Variants in ZNF100 observed in about 807,000 individuals in gnomAD.
The protein encoded by ZNF100 is zinc finger protein 100 (Y1).
Under a neutral mutation model 15.8 loss-of-function variants are expected in ZNF100, and 12 were observed. That is an observed-to-expected ratio of 0.76 (90% CI 0.49 to 1.23). ZNF100 has a LOEUF of 1.23. Among genes scored for constraint, ZNF100 ranks in the 50% most tolerant of loss-of-function variants. ZNF100 has a pLI of 0.00. For missense variants in ZNF100, 670 were observed against 635.6 expected, an observed-to-expected ratio of 1.05 and a Z score of -0.58; for synonymous variants, 226 against 214.8, an observed-to-expected ratio of 1.05 and a Z score of -0.45.
intron 2 of ZNF100, among the ~76,000 whole-genome samples, chr19:21,761,588 C>T (rs991965629): frequency 6.6e-6 from 1 of 152,242 alleles, no homozygotes; most frequent in Middle Eastern, 3.4e-3. Context: ...TTCCATCAAA[C>T]CCAATTTAAA....
At position 21,745,038 on chromosome 19, in the gene ZNF100, T is replaced by C. The variant is rs2036187314; in HGVS notation, c.126A>G (p.Ile42Met). ...ATTGCCACTCCTCCAGAGAGAATTC[T>C]ATGGCCACATCCCTAAACGTCAATG... ...KGPLTFRDVA[I>M]EFSLEEWQCL... The change falls in exon 3 of 5, where the codon ATA (isoleucine) becomes ATG (methionine). Residue 42 changes from isoleucine (I) to methionine (M), a missense_variant. Ile to Met is a conservative substitution (Grantham distance 10, BLOSUM62 1). Transcript: ENST00000358296. 6.2e-7 allele frequency: 1 copy of C among 1,613,218 alleles called. No homozygotes were observed. The highest frequency in any genetic ancestry group is 8.5e-7 in the Non-Finnish European group (1 of 1,179,870).
At chr19:21,760,268 G>A (rs140605243) in intron 2 of ZNF100, among the ~76,000 whole-genome samples, 51 of 151,718 alleles carry the variant, frequency 3.4e-4, no homozygotes, top group African/African-American at 1.2e-3. Flanking sequence ...TGAGGCTAGC[G>A]AGTCACCTGA....
intron 2 of ZNF100, chr19:21,751,923 G>A (rs1031748295): frequency 1.1e-5 from 6 of 540,118 alleles, no homozygotes; most frequent in Non-Finnish European, 1.0e-5. Flanking sequence ...CTCTTAAAGG[G>A]AGAAATGAGG....
At chr19:21,751,346 T>C in intron 2 of ZNF100, 8 of 829,008 alleles carry the variant, frequency 9.7e-6, no homozygotes, top group Non-Finnish European at 1.3e-5. Context: ...TGATGAGAGA[T>C]CACATCCCCT....
chr19:21,738,709 A>G (rs2036054604), intron 4 of ZNF100, among the ~76,000 whole-genome samples: 1 of 152,154 alleles, frequency 6.6e-6, no homozygotes. Flanking sequence ...CTGTAATCCA[A>G]GCACTTTGGG....
intron 2 of ZNF100, chr19:21,753,591 A>G (rs1330155636): frequency 6.6e-6 from 1 of 152,154 alleles, no homozygotes; most frequent in Non-Finnish European, 1.5e-5. Context: ...AAAAGAAGGA[A>G]AAGAAAAACA....
intron 4 of ZNF100, among the ~76,000 whole-genome samples, chr19:21,728,804 G>C (rs1414184929): frequency 2.0e-5 from 3 of 151,650 alleles, no homozygotes; most frequent in Non-Finnish European, 4.4e-5. Context: ...CTATAAAAAA[G>C]ATGTATACAC....
At chr19:21,759,869 TC>T (rs1229581516) in intron 2 of ZNF100, among the ~76,000 whole-genome samples, 2 of 152,172 alleles carry the variant, frequency 1.3e-5, no homozygotes, top group African/African-American at 4.8e-5. Flanking sequence ...AAAGCCATTC[TC>T]TTATATCTCC....
chr19:21,750,016 C>T (rs984414633), intron 2 of ZNF100, among the ~76,000 whole-genome samples: 11 of 152,168 alleles, frequency 7.2e-5, no homozygotes, highest in African/African-American at 2.4e-4. Context: ...AGAGGCTGCT[C>T]TGGCACATTC....
At chr19:21,767,229 G>C (rs1599415114) in intron 1 of ZNF100, among the ~76,000 whole-genome samples, 198 bp downstream of exon 1, 1 of 152,178 alleles carries the variant, frequency 6.6e-6, no homozygotes, top group Admixed American at 6.5e-5. Flanking sequence ...TCACTACGCA[G>C]GGAAGAGAAA....
Position 21,726,617 on chromosome 19 carries a change from C to A in ZNF100, c.*66G>T. 7.2e-7 allele frequency: 1 copy of A among 1,384,320 alleles called. No homozygotes were observed. Among genetic ancestry groups the A allele is most frequent in the African/African-American group, 1.5e-5 (1 of 68,820 alleles). 85.8% of individuals were successfully genotyped at this position (1,384,320 alleles called of 1,614,324 possible). A position where few individuals can be genotyped will look rare whatever the true frequency, so the allele number is the denominator to read the frequency against. On this transcript the variant is annotated 3_prime_UTR_variant, in exon 5 of 5. Coordinates refer to ENST00000358296, the MANE Select transcript of ZNF100 (RefSeq NM_173531.4). ...ATATTCTTCACAGTCACAGGAGTTCCCTCCAGTATGAATTTTTTTATGTTT... is the reference window on the plus strand; with the variant it reads ...ATATTCTTCACAGTCACAGGAGTTCACTCCAGTATGAATTTTTTTATGTTT...
chr19:21,765,813 G>A (rs373709781), intron 1 of ZNF100, 27 bp from the exon 2 acceptor site: 15 of 1,603,488 alleles, frequency 9.4e-6, no homozygotes, highest in African/African-American at 1.3e-5. Flanking sequence ...ACCAGAAGCT[G>A]ACATTCACTA....
At position 21,735,417 on chromosome 19, in the gene ZNF100, C is replaced by T. The variant is rs566873001; in HGVS notation, c.323-7428G>A. On this transcript the variant is annotated intron_variant, in intron 4 of 4. Coordinates refer to ENST00000358296, the MANE Select transcript of ZNF100 (RefSeq NM_173531.4). Reference sequence around the variant, plus strand: ...GCTGAGGCAGGAGAATGGCATGAACCCCGGAGGCGGAGCTGGAAGTGAGCC... The same window carrying T: ...GCTGAGGCAGGAGAATGGCATGAACTCCGGAGGCGGAGCTGGAAGTGAGCC... Among the ~76,000 whole-genome samples the T allele has an allele frequency of 8.6e-5, 13 of 151,322 alleles. 1 individual carries two copies. The South Asian group carries it at 1.5e-3, about 17-fold the overall frequency.
chr19:21,725,976 T>C lies in ZNF100; in HGVS notation c.*707A>G, dbSNP rs553363621. 1 of 133,772 alleles carries C rather than the reference T, an allele frequency of 7.5e-6. No homozygotes were observed. Among genetic ancestry groups the C allele is most frequent in the East Asian group, 2.3e-4 (1 of 4,422 alleles). 8.3% of individuals were successfully genotyped at this position (133,772 alleles called of 1,614,324 possible). ...AAGCTGTAGTTTTTGAAAAAGTATT[T>C]TTCCAACTTTATTACATTCGCACAG... On this transcript the variant is annotated 3_prime_UTR_variant, in exon 5 of 5. Coordinates refer to ENST00000358296, the MANE Select transcript of ZNF100 (RefSeq NM_173531.4).
At position 21,725,497 on chromosome 19, in the gene ZNF100, A is replaced by T. The variant is rs1008009083; in HGVS notation, c.*1186T>A. Reference sequence around the variant, plus strand: ...CTCTTCACTTAGATTTTCATCATACATCTCATATTTTAATGTCTTTTTCAT... The same window carrying T: ...CTCTTCACTTAGATTTTCATCATACTTCTCATATTTTAATGTCTTTTTCAT... On this transcript the variant is annotated 3_prime_UTR_variant, in exon 5 of 5. Transcript: ENST00000358296. The T allele has an allele frequency of 6.6e-6, 1 of 152,132 alleles. No individual in the cohort carries two copies. The highest frequency in any genetic ancestry group is 2.4e-5 in the African/African-American group (1 of 41,440). 9.4% of individuals were successfully genotyped at this position (152,132 alleles called of 1,614,324 possible). A position where few individuals can be genotyped will look rare whatever the true frequency, so the allele number is the denominator to read the frequency against.
intron 2 of ZNF100, among the ~76,000 whole-genome samples, chr19:21,764,039 G>A (rs2036522537): frequency 6.6e-6 from 1 of 152,120 alleles, no homozygotes; most frequent in Admixed American, 6.5e-5. Flanking sequence ...GCATCTGCCT[G>A]TGAGCCCCCA....
chr19:21,728,086 T>C (rs544858775), intron 4 of ZNF100, 97 bp from the exon 5 acceptor site: 6 of 1,166,934 alleles, frequency 5.1e-6, no homozygotes, highest in Admixed American at 3.7e-5. Context: ...TAAGATGGCA[T>C]AGGAAAATAC....
chr19:21,726,672 T>A lies in ZNF100; in HGVS notation c.*11A>T. ...AGAGTTGAGGACTGGTAAAAGGCTT[T>A]GCCACATTTTTCACATTTGTAGGGT... On this transcript the variant is annotated 3_prime_UTR_variant, in exon 5 of 5. Transcript: ENST00000358296. The A allele has an allele frequency of 6.2e-7, 1 of 1,600,226 alleles. No individual in the cohort carries two copies. Among genetic ancestry groups the A allele is most frequent in the Non-Finnish European group, 8.5e-7 (1 of 1,174,324 alleles).
Position 21,758,262 on chromosome 19 carries a change from G to A in ZNF100, c.96+7432C>T, listed in dbSNP as rs112587400. On this transcript the variant is annotated intron_variant, in intron 2 of 4. Coordinates refer to ENST00000358296, the MANE Select transcript of ZNF100 (RefSeq NM_173531.4). ...ACACATGGACACGAGGAACAGTCAC[G>A]GGGCCTAGCTGAGAATGGAGGATGA... is the stretch of plus-strand genomic sequence containing the variant. Among the ~76,000 whole-genome samples, 1,406 of 152,176 alleles carry A rather than the reference G, an allele frequency of 9.2e-3. 22 individuals carry two copies. Among genetic ancestry groups the A allele is most frequent in the African/African-American group, 0.032 (1,336 of 41,508 alleles).
Sources: allele counts gnomAD v4.1 joint callset (sites outside exome capture counted in the v4.1 genomes callset), GRCh38; gene constraint gnomAD v4.1.1; transcripts MANE v1.5; gene names NCBI Gene and HGNC (gene_info 2026-07-23, HGNC 2026-07-21).